Variants in GPC5 observed in about 807,000 individuals in gnomAD.
The protein encoded by GPC5 is glypican 5, also known as glypican-5.
A neutral mutation model predicts 53.9 loss-of-function variants in GPC5; 47 were observed. That is an observed-to-expected ratio of 0.87 (90% CI 0.69 to 1.11). GPC5 has a LOEUF of 1.11. Among genes scored for constraint, GPC5 ranks in the 50% most tolerant of loss-of-function variants. The probability of loss-of-function intolerance (pLI) is 0.00; values close to 1 mark genes in which losing one functional copy is unlikely to be tolerated. For missense variants in GPC5, 748 were observed against 713.1 expected (o/e 1.05, Z -0.56); for synonymous variants, 286 against 263.3 (o/e 1.09, Z -0.84).
intron 6 of GPC5, among the ~76,000 whole-genome samples, chr13:92,014,102 A>G (rs572587744): frequency 6.6e-6 from 1 of 152,198 alleles, no homozygotes; most frequent in Non-Finnish European, 1.5e-5. Context: ...AGTAGATTCC[A>G]AGTGCCATGA....
intron 2 of GPC5, among the ~76,000 whole-genome samples, chr13:91,543,755 T>C (rs1019650845): frequency 6.6e-6 from 1 of 152,200 alleles, no homozygotes; most frequent in African/African-American, 2.4e-5. Flanking sequence ...AAGTGAAGAT[T>C]ATGTCTCTTT....
chr13:92,166,089 TAAAG>T (rs2042025565), intron 7 of GPC5, among the ~76,000 whole-genome samples: 2 of 152,226 alleles, frequency 1.3e-5, no homozygotes, highest in South Asian at 2.1e-4. Flanking sequence ...GAAACTTACT[TAAAG>T]AAATGTATTG....
intron 7 of GPC5, among the ~76,000 whole-genome samples, chr13:92,704,120 A>G (rs954825315): frequency 1.3e-5 from 2 of 152,072 alleles, no homozygotes. Flanking sequence ...GGAAGTTTAC[A>G]TTTCTAATTA....
chr13:92,620,862 C>T (rs1468875801), intron 7 of GPC5, among the ~76,000 whole-genome samples: 13 of 152,176 alleles, frequency 8.5e-5, no homozygotes. Context: ...GGTCTGTGGA[C>T]TTACTTTATC....
intron 7 of GPC5, among the ~76,000 whole-genome samples, chr13:92,837,222 C>G (rs1226499643): frequency 6.6e-6 from 1 of 152,076 alleles, no homozygotes; most frequent in African/African-American, 2.4e-5. Context: ...AAATACACTC[C>G]AAGATATACC....
At chr13:92,049,392 T>C (rs938795609) in intron 6 of GPC5, among the ~76,000 whole-genome samples, 1 of 152,122 alleles carries the variant, frequency 6.6e-6, no homozygotes, top group Non-Finnish European at 1.5e-5. Context: ...ATATTTAATA[T>C]GCATTAGATC....
chr13:91,442,637 A>G (rs969719918), intron 1 of GPC5, among the ~76,000 whole-genome samples: 5 of 152,214 alleles, frequency 3.3e-5, no homozygotes, highest in Non-Finnish European at 7.3e-5. Flanking sequence ...GGTGACATAC[A>G]AAAATGTTCC....
chr13:91,841,336 G>A (rs1657868586), intron 5 of GPC5, among the ~76,000 whole-genome samples: 1 of 150,156 alleles, frequency 6.7e-6, no homozygotes, highest in Admixed American at 6.7e-5. Flanking sequence ...AATATGGAGT[G>A]AGAAAGAGAC....
chr13:92,073,433 A>G (rs2138868934), intron 6 of GPC5, among the ~76,000 whole-genome samples: 1 of 152,312 alleles, frequency 6.6e-6, no homozygotes, highest in Non-Finnish European at 1.5e-5. Context: ...TTTCCAAGGC[A>G]TTAATCAAGC....
intron 2 of GPC5, chr13:91,486,640 A>T (rs1426850419): frequency 6.6e-6 from 1 of 152,232 alleles, no homozygotes; most frequent in East Asian, 1.9e-4. Flanking sequence ...GAAAGGCAGG[A>T]TAAACCTTGC....
chr13:92,308,662 G>A lies in GPC5; in HGVS notation c.1561+163673G>A, dbSNP rs144800411. Among the ~76,000 whole-genome samples, 63 of 152,128 alleles carry A rather than the reference G, an allele frequency of 4.1e-4. No homozygotes were observed. The East Asian group carries it at 8.1e-3, about 20-fold the overall frequency. ...TAAGGTTTTTTGACAGGGCATGGCCGTTTCATATTCAGTTATCTTTTCCAG... is the reference window on the plus strand; with the variant it reads ...TAAGGTTTTTTGACAGGGCATGGCCATTTCATATTCAGTTATCTTTTCCAG... On this transcript the variant is annotated intron_variant, in intron 7 of 7. Coordinates refer to ENST00000377067, the MANE Select transcript of GPC5 (RefSeq NM_004466.6).
intron 2 of GPC5, among the ~76,000 whole-genome samples, chr13:91,564,994 G>T (rs2031460838): frequency 4.2e-4 from 1 of 2,354 alleles, no homozygotes; most frequent in African/African-American, 7.3e-4. Context: ...GCTTTTTTTT[G>T]GGGGGGGGTC....
chr13:92,271,596 T>C (rs181351240), intron 7 of GPC5, among the ~76,000 whole-genome samples: 25 of 152,316 alleles, frequency 1.6e-4, no homozygotes, highest in African/African-American at 5.5e-4. Context: ...GTTGTAATCC[T>C]CTAAATATAT....
intron 6 of GPC5, among the ~76,000 whole-genome samples, chr13:92,089,641 A>G (rs1183934848): frequency 2.0e-5 from 3 of 152,314 alleles, no homozygotes; most frequent in African/African-American, 7.2e-5. Context: ...TATAAATTCT[A>G]CAGTGTGATA....
intron 6 of GPC5, among the ~76,000 whole-genome samples, chr13:91,916,228 G>GA (rs886151020): frequency 4.0e-5 from 6 of 150,322 alleles, no homozygotes; most frequent in South Asian, 2.1e-4. Flanking sequence ...AACCACTATG[G>GA]AAAAAAAAAT....
At chr13:91,484,303 A>T (rs1321557071) in intron 2 of GPC5, among the ~76,000 whole-genome samples, 1 of 152,216 alleles carries the variant, frequency 6.6e-6, no homozygotes, top group Non-Finnish European at 1.5e-5. Context: ...TTTTCCAAAA[A>T]ATGACTAAAA....
intron 7 of GPC5, among the ~76,000 whole-genome samples, chr13:92,354,050 A>G (rs9301797): frequency 0.3 from 45,241 of 152,070 alleles, 6,956 homozygotes; most frequent in South Asian, 0.41. Context: ...CACTTTTTCC[A>G]TGCATTCTAT....
chr13:91,773,139 C>G lies in GPC5; in HGVS notation c.1280+16719C>G, dbSNP rs188480560. On this transcript the variant is annotated intron_variant, in intron 5 of 7. Transcript: ENST00000377067. Reference sequence around the variant, plus strand: ...AATTTTGCATTTCAGATGGATGAAGCCTTTAACACAGACAGAATTTTAAGT... The same window carrying G: ...AATTTTGCATTTCAGATGGATGAAGGCTTTAACACAGACAGAATTTTAAGT... Among the ~76,000 whole-genome samples, 344 of 152,106 alleles carry G rather than the reference C, an allele frequency of 2.3e-3. 5 individuals are homozygous for G. Among genetic ancestry groups the G allele is most frequent in the African/African-American group, 8.0e-3 (334 of 41,514 alleles).
intron 7 of GPC5, among the ~76,000 whole-genome samples, chr13:92,283,665 G>T (rs2042932807): frequency 6.6e-6 from 1 of 152,162 alleles, no homozygotes; most frequent in Non-Finnish European, 1.5e-5. Flanking sequence ...CAAAATGAAG[G>T]CAGAAATAAA....
Sources: gnomAD v4.1 joint callset for allele counts (sites outside exome capture counted in the v4.1 genomes callset) on GRCh38, gnomAD v4.1.1 for gene constraint, MANE v1.5 for transcripts, NCBI Gene and HGNC (gene_info 2026-07-23, HGNC 2026-07-21) for gene names.